Variants in DCC observed in about 807,000 individuals in gnomAD.
DCC encodes DCC netrin 1 receptor.
In DCC, 58 loss-of-function variants were observed where a neutral mutation model predicts 172.5. The observed-to-expected ratio is 0.34, with a 90% CI of 0.27 to 0.42. The LOEUF is 0.42. DCC is among the 10% of genes least tolerant of loss of function. The probability of loss-of-function intolerance (pLI) is 1.00; values close to 1 mark genes in which losing one functional copy is unlikely to be tolerated. For missense variants in DCC, 1,740 were observed against 1,791.0 expected (o/e 0.97, Z 0.51); for synonymous variants, 709 against 644.5 (o/e 1.10, Z -1.52).
At chr18:53,209,649 C>A (rs1033809977) in intron 11 of DCC, among the ~76,000 whole-genome samples, 2 of 152,178 alleles carry the variant, frequency 1.3e-5, no homozygotes, top group African/African-American at 4.8e-5. Flanking sequence ...CGTAATACCA[C>A]TTTGGTATCA....
At chr18:53,022,241 CTTATT>C (rs1353000605) in intron 5 of DCC, among the ~76,000 whole-genome samples, 1 of 151,842 alleles carries the variant, frequency 6.6e-6, no homozygotes, top group African/African-American at 2.4e-5. Flanking sequence ...ATTAGATATT[CTTATT>C]TTAAGATGGG....
chr18:53,331,451 G>A (rs1445245519), intron 14 of DCC, among the ~76,000 whole-genome samples: 1 of 152,176 alleles, frequency 6.6e-6, no homozygotes, highest in Admixed American at 6.6e-5. Flanking sequence ...GTTCTAGTGA[G>A]GTTTTGCAAT....
chr18:52,747,861 G>A (rs1481738674), intron 1 of DCC, among the ~76,000 whole-genome samples: 1 of 152,324 alleles, frequency 6.6e-6, no homozygotes, highest in South Asian at 2.1e-4. Flanking sequence ...TTAGTCCTGT[G>A]TGCAATACAA....
chr18:52,636,845 C>T (rs765072817), intron 1 of DCC, among the ~76,000 whole-genome samples: 57 of 152,314 alleles, frequency 3.7e-4, no homozygotes, highest in Non-Finnish European at 4.0e-4. Flanking sequence ...GAAAGCGCCA[C>T]CTCCTGGCAG....
intron 2 of DCC, among the ~76,000 whole-genome samples, chr18:52,757,508 C>G (rs949848244): frequency 6.6e-6 from 1 of 152,142 alleles, no homozygotes; most frequent in Non-Finnish European, 1.5e-5. Flanking sequence ...CCCACCCACA[C>G]AGCTCCTTGT....
chr18:52,812,824 A>G (rs149657200), intron 2 of DCC, among the ~76,000 whole-genome samples: 197 of 152,332 alleles, frequency 1.3e-3, no homozygotes, highest in African/African-American at 3.9e-3. Context: ...CTTAGCAACT[A>G]CTGAACACTG....
At chr18:52,800,014 G>A (rs951680298) in intron 2 of DCC, among the ~76,000 whole-genome samples, 4 of 152,166 alleles carry the variant, frequency 2.6e-5, no homozygotes, top group Non-Finnish European at 2.9e-5. Context: ...ATTTTAAGAC[G>A]TAGTAGTTGT....
chr18:52,419,900 A>G (rs934995597), intron 1 of DCC, among the ~76,000 whole-genome samples: 4 of 152,186 alleles, frequency 2.6e-5, no homozygotes, highest in Non-Finnish European at 4.4e-5. Context: ...TAACAATCCC[A>G]TAAGTAACAA....
At chr18:53,298,776 ATAATT>A (rs2057099333) in intron 12 of DCC, among the ~76,000 whole-genome samples, 1 of 146,232 alleles carries the variant, frequency 6.8e-6, no homozygotes, top group Non-Finnish European at 1.5e-5. Context: ...TTTTAAAAGA[ATAATT>A]TAAATTATTT....
intron 12 of DCC, among the ~76,000 whole-genome samples, chr18:53,262,966 C>T (rs2056623585): frequency 6.6e-6 from 1 of 152,100 alleles, no homozygotes; most frequent in Non-Finnish European, 1.5e-5. Context: ...ATAAGCATAT[C>T]TGTAGATTTA....
intron 2 of DCC, among the ~76,000 whole-genome samples, chr18:52,782,675 A>G (rs2037569655): frequency 6.6e-6 from 1 of 151,890 alleles, no homozygotes; most frequent in South Asian, 2.1e-4. Flanking sequence ...AGGACCTTTC[A>G]TGCTTGTGAC....
At chr18:53,110,081 T>A (rs1275411193) in intron 7 of DCC, among the ~76,000 whole-genome samples, 1 of 151,690 alleles carries the variant, frequency 6.6e-6, no homozygotes, top group African/African-American at 2.4e-5. Flanking sequence ...TCTATAATCA[T>A]AGCTTGAAGA....
At chr18:52,777,148 T>C (rs946115283) in intron 2 of DCC, among the ~76,000 whole-genome samples, 1 of 152,214 alleles carries the variant, frequency 6.6e-6, no homozygotes, top group Non-Finnish European at 1.5e-5. Flanking sequence ...TGTCCACACA[T>C]CTGCCTCGCT....
intron 7 of DCC, among the ~76,000 whole-genome samples, chr18:53,112,826 A>G (rs1474265947): frequency 1.3e-5 from 2 of 151,580 alleles, no homozygotes; most frequent in African/African-American, 4.8e-5. Context: ...AGTACTCTGT[A>G]CTACCTTGAA....
Position 52,544,455 on chromosome 18 carries a change from T to TTTCTTTC in DCC, c.91+203579_91+203580insCTTTCTT, listed in dbSNP as rs375809690. Reference sequence around the variant, plus strand: ...TCTGTTTTTCTTTCTTTCTTTCTTTTTTTTTTTTGTGGCACCACAAGACAT... The same window carrying TTTCTTTC: ...TCTGTTTTTCTTTCTTTCTTTCTTTTTTCTTTCTTTTTTTTGTGGCACCACAAGACAT... On this transcript the variant is annotated intron_variant, in intron 1 of 28. Coordinates refer to ENST00000442544, the MANE Select transcript of DCC (RefSeq NM_005215.4). Among the ~76,000 whole-genome samples the TTTCTTTC allele has an allele frequency of 3.4e-3, 506 of 150,490 alleles. 6 individuals carry two copies. The highest frequency in any genetic ancestry group is 0.026 in the East Asian group (134 of 5,090).
chr18:52,628,452 C>T (rs1249704131), intron 1 of DCC, among the ~76,000 whole-genome samples: 2 of 152,218 alleles, frequency 1.3e-5, no homozygotes, highest in African/African-American at 2.4e-5. Context: ...TTTCAATAAA[C>T]TTGGCAGCTG....
At chr18:52,960,093 C>G (rs1303642145) in intron 5 of DCC, among the ~76,000 whole-genome samples, 1 of 152,092 alleles carries the variant, frequency 6.6e-6, no homozygotes, top group Non-Finnish European at 1.5e-5. Flanking sequence ...CCCACGCATG[C>G]ATGCACACAC....
chr18:52,743,031 G>T (rs1167765929), intron 1 of DCC, among the ~76,000 whole-genome samples: 1 of 152,126 alleles, frequency 6.6e-6, no homozygotes, highest in Admixed American at 6.5e-5. Context: ...ATGATTTTAT[G>T]TCCATATTTT....
chr18:52,364,675 G>GC (rs1984765629), intron 1 of DCC, among the ~76,000 whole-genome samples: 1 of 152,148 alleles, frequency 6.6e-6, no homozygotes, highest in South Asian at 2.1e-4. Flanking sequence ...ATTATTTTTG[G>GC]ATTAGTTATT....
Sources: allele counts gnomAD v4.1 joint callset (sites outside exome capture counted in the v4.1 genomes callset), GRCh38; gene constraint gnomAD v4.1.1; transcripts MANE v1.5; gene names NCBI Gene and HGNC (gene_info 2026-07-23, HGNC 2026-07-21).